Variants in ZNF341 observed in about 807,000 individuals in gnomAD.
ZNF341 encodes the protein zinc finger protein 341.
Under a neutral mutation model 87.7 loss-of-function variants are expected in ZNF341, and 52 were observed. That is an observed-to-expected ratio of 0.59 (90% CI 0.47 to 0.75). ZNF341 has a LOEUF of 0.75. Ranked by LOEUF, ZNF341 falls within the 30% of genes least tolerant of loss-of-function variation. ZNF341 has a pLI of 0.00. For missense variants in ZNF341, 977 were observed against 1,145.9 expected (o/e 0.85, Z 2.13); for synonymous variants, 459 against 472.7 (o/e 0.97, Z 0.38).
intron 5 of ZNF341, among the ~76,000 whole-genome samples, chr20:33,755,332 T>C (rs2019154362): frequency 6.6e-6 from 1 of 152,042 alleles, no homozygotes; most frequent in South Asian, 2.1e-4. Flanking sequence ...GGGATGTTTT[T>C]TCTTTTCTAA....
Position 33,770,279 on chromosome 20 carries a change from A to G in ZNF341, c.1609A>G (p.Asn537Asp). The G allele has an allele frequency of 1.4e-6, 2 of 1,449,716 alleles. No individual in the cohort carries two copies. The highest frequency in any genetic ancestry group is 1.9e-6 in the Non-Finnish European group (2 of 1,075,174). The allele number at this position is 1,449,716 out of a possible 1,614,324, so 89.8% of individuals were successfully genotyped here. The change falls in exon 10 of 15, where the codon AAT (asparagine) becomes GAT (aspartate). Residue 537 changes from asparagine to aspartate, a missense_variant. By Grantham distance (23) the Asn-to-Asp change is conservative. This residue lies in a region of ZNF341 where 241 missense variants were observed against 335.0 expected (regional missense o/e 0.72). Transcript: ENST00000375200. ...GCCACAGCACAGCCCCAAGAAGGAC[A>G]ATGCCGTCTACAAGTAAGTGCCTCC... Reference protein sequence around the residue: ...LLPQHSPKKDNAVYKCVKCVN... With the variant: ...LLPQHSPKKDDAVYKCVKCVN...
At chr20:33,782,309 C>G (rs776954301) in intron 11 of ZNF341, among the ~76,000 whole-genome samples, 7 of 152,240 alleles carry the variant, frequency 4.6e-5, no homozygotes, top group Non-Finnish European at 1.0e-4. Flanking sequence ...CCACCCCTGA[C>G]CACTGCTCCC....
intron 13 of ZNF341, 26 bp downstream of exon 13, chr20:33,789,000 G>C (rs1272522058): frequency 1.9e-6 from 3 of 1,584,884 alleles, no homozygotes; most frequent in African/African-American, 1.3e-5. Context: ...CATGCAGGGG[G>C]GTGGGTAGCG....
Position 33,741,000 on chromosome 20 carries a change from A to G in ZNF341, c.130A>G (p.Ile44Val). The G allele has an allele frequency of 6.2e-7, 1 of 1,614,104 alleles. No homozygotes were observed. The highest frequency in any genetic ancestry group is 8.5e-7 in the Non-Finnish European group (1 of 1,179,982). ...TGQSVNAPPA[I>V]QPLDDEDVFL... Reference sequence around the variant, plus strand: ...CCAGAGTGTCAATGCGCCCCCTGCTATCCAGCCATTGGGTGAGTATCTGCT... The same window carrying G: ...CCAGAGTGTCAATGCGCCCCCTGCTGTCCAGCCATTGGGTGAGTATCTGCT... The change falls in exon 2 of 15, where the codon ATC (isoleucine) becomes GTC (valine). Residue 44 changes from isoleucine to valine, a missense_variant. By Grantham distance (29) the Ile-to-Val change is conservative (BLOSUM62 3). Around this residue, in one of 3 missense-constraint regions of ZNF341, gnomAD observed 515 missense variants for 598.2 expected, o/e 0.86. Coordinates refer to ENST00000375200, the MANE Select transcript of ZNF341 (RefSeq NM_001282933.2).
chr20:33,767,856 A>G (rs78070608), intron 9 of ZNF341, among the ~76,000 whole-genome samples: 3,100 of 152,244 alleles, frequency 0.02, 105 homozygotes, highest in African/African-American at 0.07. Flanking sequence ...CAGGTCAAAT[A>G]TGTCACCATA....
chr20:33,781,848 T>G (rs1377433736), intron 11 of ZNF341, among the ~76,000 whole-genome samples: 1 of 151,918 alleles, frequency 6.6e-6, no homozygotes, highest in East Asian at 1.9e-4. Context: ...CCCAGCTAAT[T>G]TTTGTATTTT....
At chr20:33,736,680 G>A (rs900660318) in intron 1 of ZNF341, among the ~76,000 whole-genome samples, 2 of 152,082 alleles carry the variant, frequency 1.3e-5, no homozygotes, top group African/African-American at 4.8e-5. Flanking sequence ...TAGTAGGGAC[G>A]GGTTTCACCA....
intron 2 of ZNF341, among the ~76,000 whole-genome samples, chr20:33,744,437 A>G (rs901490875): frequency 6.6e-6 from 1 of 152,206 alleles, no homozygotes; most frequent in African/African-American, 2.4e-5. Flanking sequence ...TGGGAGGAGT[A>G]TGATCAGGTG....
intron 12 of ZNF341, chr20:33,787,267 A>G (rs1372171740): frequency 1.3e-5 from 2 of 150,304 alleles, no homozygotes; most frequent in African/African-American, 4.9e-5. Flanking sequence ...TCCAGTAGGG[A>G]TTATATTTTT....
chr20:33,779,265 G>A (rs1162556779), intron 10 of ZNF341, among the ~76,000 whole-genome samples: 1 of 152,056 alleles, frequency 6.6e-6, no homozygotes, highest in Non-Finnish European at 1.5e-5. Flanking sequence ...GATCTCATGA[G>A]AACTCACTCA....
intron 5 of ZNF341, 42 bp downstream of exon 5, chr20:33,753,465 A>T: frequency 1.3e-6 from 2 of 1,523,746 alleles, no homozygotes; most frequent in Non-Finnish European, 1.8e-6. Context: ...CTGGTCATGG[A>T]CATCATGGCC....
At chr20:33,740,844 T>G (rs1601232734) in intron 1 of ZNF341, 58 bp from the exon 2 acceptor site, 2 of 1,515,466 alleles carry the variant, frequency 1.3e-6, no homozygotes. Flanking sequence ...CTTGTAAGGG[T>G]GATGTCAGAG....
At chr20:33,766,819 C>A in intron 8 of ZNF341, 32 bp from the exon 9 acceptor site, 1 of 1,576,956 alleles carries the variant, frequency 6.3e-7, no homozygotes, top group Non-Finnish European at 8.6e-7. Context: ...TGGGCCGGCT[C>A]CTTGTCCTGA....
In ZNF341 at chr20:33,753,316, C is replaced by T. The variant is rs2122664811; in HGVS notation, c.634C>T (p.Pro212Ser). 1.2e-6 allele frequency: 2 copies of T among 1,611,874 alleles called. No individual in the cohort carries two copies. Among genetic ancestry groups the T allele is most frequent in the Admixed American group, 3.4e-5 (2 of 59,386 alleles). The change falls in exon 5 of 15, where the codon CCT (proline) becomes TCT (serine). Residue 212 changes from proline (P) to serine (S), a missense_variant. This residue lies in a region of ZNF341 where 515 missense variants were observed against 598.2 expected (regional missense o/e 0.86). Coordinates refer to ENST00000375200, the MANE Select transcript of ZNF341 (RefSeq NM_001282933.2). ...CCTGGGCCCCCCTGGGCGTCCCAAC[C>T]CTGGTGGGAACGGTGTGGTGGAGGT... ...QSLGPPGRPN[P>S]GGNGVVEVYS...
intron 4 of ZNF341, among the ~76,000 whole-genome samples, chr20:33,751,217 A>T (rs2019048346): frequency 6.6e-6 from 1 of 152,102 alleles, no homozygotes; most frequent in African/African-American, 2.4e-5. Context: ...CCATAAACAG[A>T]CATCTTTGCC....
rs1260443060 is a variant in ZNF341, at chr20:33,770,077, C to T, written c.1414-7C>T. On this transcript the variant is annotated splice_region_variant and splice_polypyrimidine_tract_variant and intron_variant, in intron 9 of 14. Coordinates refer to ENST00000375200, the MANE Select transcript of ZNF341 (RefSeq NM_001282933.2). Reference sequence around the variant, plus strand: ...CTCCTGTCACCTGCCCAGCGTCTTCCCTCAAGGTGTACAAGTGTGTGGTCA... The same window carrying T: ...CTCCTGTCACCTGCCCAGCGTCTTCTCTCAAGGTGTACAAGTGTGTGGTCA... 6.2e-7 allele frequency: 1 copy of T among 1,611,206 alleles called. No individual in the cohort carries two copies. Among genetic ancestry groups the T allele is most frequent in the African/African-American group, 1.3e-5 (1 of 74,862 alleles).
chr20:33,791,612 G>A lies in ZNF341; in HGVS notation c.*95G>A, dbSNP rs955768375. Reference sequence around the variant, plus strand: ...ACCGGTGATCCTTACCAGTGGAAGCGAGCCATCGAGCCATTGGCAGAAATC... The same window carrying A: ...ACCGGTGATCCTTACCAGTGGAAGCAAGCCATCGAGCCATTGGCAGAAATC... On this transcript the variant is annotated 3_prime_UTR_variant, in exon 15 of 15. Transcript: ENST00000375200. 5.3e-5 allele frequency: 69 copies of A among 1,311,158 alleles called. No homozygotes were observed. Among genetic ancestry groups the A allele is most frequent in the South Asian group, 6.5e-5 (4 of 61,250 alleles). The allele number at this position is 1,311,158 out of a possible 1,614,324, so 81.2% of individuals were successfully genotyped here.
intron 1 of ZNF341, among the ~76,000 whole-genome samples, chr20:33,737,835 GT>G (rs1440178071): frequency 6.6e-6 from 1 of 151,894 alleles, no homozygotes; most frequent in Non-Finnish European, 1.5e-5. Flanking sequence ...CTAATCTTAG[GT>G]TCTATAATAA....
chr20:33,780,983 C>T (rs997360650), intron 10 of ZNF341, among the ~76,000 whole-genome samples: 2 of 152,114 alleles, frequency 1.3e-5, no homozygotes, highest in African/African-American at 4.8e-5. Flanking sequence ...ATTGGGATTG[C>T]AGGTGTGAGC....
Sources: gnomAD v4.1 joint callset for allele counts (sites outside exome capture counted in the v4.1 genomes callset) on GRCh38, gnomAD v4.1.1 for gene constraint, gnomAD v4.1.1 regional missense constraint, MANE v1.5 for transcripts, NCBI Gene and HGNC (gene_info 2026-07-23, HGNC 2026-07-21) for gene names.